The following ZNF492 variants were observed in gnomAD, a reference collection of about 807,000 sequenced individuals.
The protein encoded by ZNF492 is zinc finger protein 492.
A neutral mutation model predicts 6.4 loss-of-function variants in ZNF492; 3 were observed. The observed-to-expected ratio is 0.47, with a 90% CI of 0.21 to 1.22. ZNF492 has a LOEUF of 1.22. Among genes scored for constraint, ZNF492 ranks in the 50% most tolerant of loss-of-function variants. ZNF492 has a pLI of 0.22. For synonymous variants in ZNF492, 112 were observed against 205.3 expected, an observed-to-expected ratio of 0.55 and a Z score of 3.89; for missense variants, 356 against 612.5, an observed-to-expected ratio of 0.58 and a Z score of 4.42.
intron 1 of ZNF492, among the ~76,000 whole-genome samples, chr19:22,635,237 T>C (rs1301250371): frequency 5.9e-5 from 9 of 152,208 alleles, no homozygotes; most frequent in African/African-American, 2.2e-4. Flanking sequence ...CTCAGTCTAT[T>C]TGCCGCCACA....
At chr19:22,648,703 C>T (rs764447474) in intron 1 of ZNF492, among the ~76,000 whole-genome samples, 5 of 152,132 alleles carry the variant, frequency 3.3e-5, no homozygotes, top group African/African-American at 4.8e-5. Context: ...AAATAATGCC[C>T]TTCTTTGTCT....
At chr19:22,635,977 A>G (rs1971757384) in intron 1 of ZNF492, among the ~76,000 whole-genome samples, 2 of 152,326 alleles carry the variant, frequency 1.3e-5, no homozygotes, top group South Asian at 2.1e-4. Flanking sequence ...GGTACTAAGC[A>G]TAGCACCAAA....
intron 1 of ZNF492, among the ~76,000 whole-genome samples, chr19:22,652,665 C>T (rs185550436): frequency 3.3e-5 from 5 of 151,626 alleles, no homozygotes; most frequent in East Asian, 2.0e-4. Flanking sequence ...CTGCAAGCTC[C>T]GCCTCTGGGG....
rs1209984331 is a variant in ZNF492, at chr19:22,652,363, G to C, written c.-93-944G>C. On this transcript the variant is annotated intron_variant, in intron 1 of 3. Transcript: ENST00000456783. The stretch of plus-strand genomic sequence containing the variant: ...CTGCCTCAGACTCCCGAGTAGCTGG[G>C]ACTACAGGCGCCCGCCACCTTAGGT... Among the ~76,000 whole-genome samples, 2 of 130,996 alleles carry C rather than the reference G, an allele frequency of 1.5e-5. 1 individual carries two copies. Among genetic ancestry groups the C allele is most frequent in the African/African-American group, 6.9e-5 (2 of 28,968 alleles). The allele number at this position is 130,996 out of a possible 152,430, so 85.9% of individuals were successfully genotyped here. A position where few individuals can be genotyped will look rare whatever the true frequency, so the allele number is the denominator to read the frequency against.
At chr19:22,663,052 G>A (rs1206891474) in intron 3 of ZNF492, among the ~76,000 whole-genome samples, 2 of 152,080 alleles carry the variant, frequency 1.3e-5, no homozygotes, top group South Asian at 2.1e-4. Flanking sequence ...TTCCTCTAGG[G>A]TTTTTATGGT....
chr19:22,657,739 G>A (rs533575010), intron 3 of ZNF492, among the ~76,000 whole-genome samples: 1 of 152,120 alleles, frequency 6.6e-6, no homozygotes, highest in Admixed American at 6.5e-5. Flanking sequence ...TACAATTTTA[G>A]ACAATTTGCA....
intron 1 of ZNF492, among the ~76,000 whole-genome samples, chr19:22,652,932 C>CATTA (rs1971956487): frequency 6.6e-6 from 1 of 152,142 alleles, no homozygotes; most frequent in South Asian, 2.1e-4. Flanking sequence ...TTATTGTACA[C>CATTA]ATTAACATGT....
chr19:22,652,790 A>T (rs372685608), intron 1 of ZNF492, among the ~76,000 whole-genome samples: 7 of 152,224 alleles, frequency 4.6e-5, no homozygotes. Flanking sequence ...CGTGTTAGCC[A>T]GGATAGTCTC....
chr19:22,644,118 G>T (rs1028174537), intron 1 of ZNF492, among the ~76,000 whole-genome samples: 2 of 149,948 alleles, frequency 1.3e-5, no homozygotes, highest in African/African-American at 2.5e-5. Context: ...GTAAACATGT[G>T]GTGCTGACAC....
intron 1 of ZNF492, among the ~76,000 whole-genome samples, chr19:22,650,376 G>A (rs1400443251): frequency 6.6e-6 from 1 of 152,142 alleles, no homozygotes; most frequent in Non-Finnish European, 1.5e-5. Flanking sequence ...ACCCCAGTTG[G>A]AGTATCTCAC....
intron 1 of ZNF492, among the ~76,000 whole-genome samples, chr19:22,636,152 T>C (rs1304391207): frequency 6.6e-6 from 1 of 151,120 alleles, no homozygotes; most frequent in Admixed American, 6.6e-5. Flanking sequence ...CAGGCTGGAG[T>C]GCAATGGCGC....
chr19:22,635,703 C>G (rs190185642), intron 1 of ZNF492, among the ~76,000 whole-genome samples: 1 of 151,052 alleles, frequency 6.6e-6, no homozygotes, highest in Non-Finnish European at 1.5e-5. Context: ...TATTCTTGGT[C>G]CTGGCTTTCA....
Position 22,636,395 on chromosome 19 carries a change from C to T in ZNF492, c.-94+1921C>T, listed in dbSNP as rs147507107. On this transcript the variant is annotated intron_variant, in intron 1 of 3. Coordinates refer to ENST00000456783, the MANE Select transcript of ZNF492 (RefSeq NM_020855.3). ...ACAGGCATGAGCCACCGCGCCCAGCCTCAGCTATTACTTAGAAACAACATG... is the reference window on the plus strand; with the variant it reads ...ACAGGCATGAGCCACCGCGCCCAGCTTCAGCTATTACTTAGAAACAACATG... Among the ~76,000 whole-genome samples the T allele has an allele frequency of 6.1e-3, 922 of 151,496 alleles. 11 individuals carry two copies. Among genetic ancestry groups the T allele is most frequent in the African/African-American group, 0.019 (777 of 41,340 alleles).
chr19:22,643,412 CA>C (rs932733774), intron 1 of ZNF492, among the ~76,000 whole-genome samples: 1 of 152,144 alleles, frequency 6.6e-6, no homozygotes, highest in Non-Finnish European at 1.5e-5. Context: ...CAATTTGTTC[CA>C]GAAGTAATTG....
Position 22,666,810 on chromosome 19 carries a change from T to C in ZNF492, c.*1545T>C, listed in dbSNP as rs1327715129. The C allele has an allele frequency of 6.6e-6, 1 of 152,218 alleles. No homozygotes were observed. Among genetic ancestry groups the C allele is most frequent in the African/African-American group, 2.4e-5 (1 of 41,454 alleles). 9.4% of individuals were successfully genotyped at this position (152,218 alleles called of 1,614,324 possible). ...AAAATGCAGTACATGTTAAAAATTT[T>C]AGATTATGTGTGAACTTAATTTCTT... On this transcript the variant is annotated 3_prime_UTR_variant, in exon 4 of 4. Transcript: ENST00000456783.
rs1196622516 is a variant in ZNF492, at chr19:22,636,540, GTGTGTT to G, written c.-94+2072_-94+2077del. ...TGTGTGTGTGTGTGTGTGTGTGTGT[GTGTGTT>G]TGTGTGTGTGCGTGTGTGTATGTGT... On this transcript the variant is annotated intron_variant, in intron 1 of 3. Transcript: ENST00000456783. 4.0e-5 allele frequency among the ~76,000 whole-genome samples: 6 copies of G among 151,408 alleles called. No homozygotes were observed. In the South Asian group the frequency reaches 6.3e-4, roughly 16 times the overall value.
intron 1 of ZNF492, among the ~76,000 whole-genome samples, chr19:22,647,726 A>AGTTTTTT (rs1971896780): frequency 1.3e-5 from 1 of 78,348 alleles, no homozygotes; most frequent in African/African-American, 6.3e-5. Context: ...TAGCTCTTTT[A>AGTTTTTT]GTTTTTTTTT....
chr19:22,647,995 A>G (rs1599397472), intron 1 of ZNF492, among the ~76,000 whole-genome samples: 1 of 151,976 alleles, frequency 6.6e-6, no homozygotes, highest in African/African-American at 2.4e-5. Flanking sequence ...CGGCCTCCCA[A>G]AATGCTGGGA....
At chr19:22,650,331 G>A (rs866821946) in intron 1 of ZNF492, among the ~76,000 whole-genome samples, 1 of 152,140 alleles carries the variant, frequency 6.6e-6, no homozygotes, top group Non-Finnish European at 1.5e-5. Context: ...CCAATCTGAT[G>A]CCAGTAGGAA....
Sources: gnomAD v4.1 joint callset for allele counts (sites outside exome capture counted in the v4.1 genomes callset) on GRCh38, gnomAD v4.1.1 for gene constraint, MANE v1.5 for transcripts, NCBI Gene and HGNC (gene_info 2026-07-23, HGNC 2026-07-21) for gene names.